GBE1: variants seen among roughly 807,000 people sequenced by gnomAD.
The protein encoded by GBE1 is 1,4-alpha-glucan-branching enzyme.
Under a neutral mutation model 88.8 loss-of-function variants are expected in GBE1, and 70 were observed. That is an observed-to-expected ratio of 0.79 (90% CI 0.65 to 0.96). The LOEUF (loss-of-function observed/expected upper bound fraction) is 0.96. Ranked by LOEUF, GBE1 falls within the 40% of genes least tolerant of loss-of-function variation. GBE1 has a pLI of 0.00. For missense variants in GBE1, 872 were observed against 871.0 expected (o/e 1.00, Z -0.01); for synonymous variants, 284 against 300.1 (o/e 0.95, Z 0.56).
chr3:81,593,892 A>G lies in GBE1; in HGVS notation c.1108+16T>C, dbSNP rs1483550271. ...TCTGCAATTAACCCCAAACCTGATT[A>G]TATCAGGTTACCTACCCACTCCATG... On this transcript the variant is annotated intron_variant, in intron 8 of 15. Coordinates refer to ENST00000429644, the MANE Select transcript of GBE1 (RefSeq NM_000158.4). 4 of 1,308,624 alleles carry G rather than the reference A, an allele frequency of 3.1e-6. No individual in the cohort carries two copies. Among genetic ancestry groups the G allele is most frequent in the South Asian group, 2.6e-5 (2 of 76,376 alleles). 81.1% of individuals were successfully genotyped at this position (1,308,624 alleles called of 1,614,324 possible).
chr3:81,527,752 C>T (rs1702961661), intron 14 of GBE1, among the ~76,000 whole-genome samples: 1 of 152,004 alleles, frequency 6.6e-6, no homozygotes, highest in Non-Finnish European at 1.5e-5. Flanking sequence ...AATAGGAACA[C>T]TTTTACACTG....
Position 81,642,835 on chromosome 3 carries a change from G to C in GBE1, c.938C>G (p.Ser313Cys). The C allele has an allele frequency of 6.2e-7, 1 of 1,613,356 alleles. No individual in the cohort carries two copies. Among genetic ancestry groups the C allele is most frequent in the Non-Finnish European group, 8.5e-7 (1 of 1,179,436 alleles). The change falls in exon 7 of 16, where the codon TCT becomes TGT. Residue 313 changes from serine (S) to cysteine (C), a missense_variant. Physicochemically the swap from Ser to Cys is moderately radical, Grantham distance 112. Transcript: ENST00000429644. ...FDGTDSCYFH[S>C]GPRGTHDLWD... ...AAGATCATGAGTCCCTCTAGGTCCA[G>C]AATGAAAATAACAGGAATCTGTCCC... is the stretch of plus-strand genomic sequence containing the variant.
intron 3 of GBE1, among the ~76,000 whole-genome samples, chr3:81,662,662 TAAAAAA>T (rs1287876832): frequency 7.7e-6 from 1 of 129,988 alleles, no homozygotes; most frequent in Non-Finnish European, 1.7e-5. Context: ...AACAGTTTTG[TAAAAAA>T]AAAAAAAAAG....
chr3:81,740,988 A>G (rs1281283173), intron 1 of GBE1, among the ~76,000 whole-genome samples: 1 of 152,176 alleles, frequency 6.6e-6, no homozygotes, highest in Non-Finnish European at 1.5e-5. Context: ...GAAAAAATAG[A>G]GCACAGAGCC....
At chr3:81,684,772 C>G (rs1705408225) in intron 2 of GBE1, among the ~76,000 whole-genome samples, 1 of 151,928 alleles carries the variant, frequency 6.6e-6, no homozygotes, top group Non-Finnish European at 1.5e-5. Flanking sequence ...CATAGAAAAG[C>G]TCACTAGTAC....
intron 1 of GBE1, among the ~76,000 whole-genome samples, chr3:81,737,290 A>T (rs914065631): frequency 1.1e-4 from 15 of 139,770 alleles, no homozygotes; most frequent in African/African-American, 4.0e-4. Context: ...CTTCAAAATA[A>T]ATATTTATAT....
intron 12 of GBE1, among the ~76,000 whole-genome samples, chr3:81,564,452 G>A (rs952515663): frequency 5.3e-5 from 8 of 152,092 alleles, no homozygotes; most frequent in Non-Finnish European, 7.4e-5. Flanking sequence ...TATTTCCGGG[G>A]CATCCTATCC....
At chr3:81,565,586 A>T (rs1173465877) in intron 12 of GBE1, among the ~76,000 whole-genome samples, 1 of 152,196 alleles carries the variant, frequency 6.6e-6, no homozygotes, top group African/African-American at 2.4e-5. Context: ...TCATTAAAGA[A>T]TGTCCTACAA....
intron 3 of GBE1, among the ~76,000 whole-genome samples, chr3:81,657,899 T>A (rs1365398432): frequency 6.6e-6 from 1 of 152,054 alleles, no homozygotes; most frequent in Non-Finnish European, 1.5e-5. Flanking sequence ...GAGAGGTGGA[T>A]AGAGAGAGAT....
intron 12 of GBE1, among the ~76,000 whole-genome samples, chr3:81,569,822 T>A (rs1482531052): frequency 6.6e-6 from 1 of 152,202 alleles, no homozygotes; most frequent in African/African-American, 2.4e-5. Context: ...TATTTTATTT[T>A]ATTTTTTTAA....
chr3:81,695,845 T>C (rs542092856), intron 2 of GBE1, among the ~76,000 whole-genome samples: 1 of 152,342 alleles, frequency 6.6e-6, no homozygotes, highest in East Asian at 1.9e-4. Flanking sequence ...TTCAGCTTCC[T>C]GATCGCTAAA....
rs538558487 is a variant in GBE1 at position 81,624,305 on chromosome 3, C to T, written c.992+18476G>A. 1.3e-4 allele frequency among the ~76,000 whole-genome samples: 20 copies of T among 152,272 alleles called. 1 individual carries two copies. In the South Asian group the frequency reaches 2.5e-3, roughly 19 times the overall value. The stretch of plus-strand genomic sequence containing the variant: ...CCTCCACCTGATCTCTCCTTTGACA[C>T]GTGGAGATTATGGGGATTATGGAGA... On this transcript the variant is annotated intron_variant, in intron 7 of 15. Transcript: ENST00000429644.
At chr3:81,555,682 G>A (rs183467862) in intron 12 of GBE1, among the ~76,000 whole-genome samples, 1 of 152,114 alleles carries the variant, frequency 6.6e-6, no homozygotes, top group Non-Finnish European at 1.5e-5. Context: ...CAGGTTTCCT[G>A]CTTCGAAGCC....
At chr3:81,659,750 C>T (rs967781334) in intron 3 of GBE1, among the ~76,000 whole-genome samples, 1 of 151,876 alleles carries the variant, frequency 6.6e-6, no homozygotes, top group African/African-American at 2.4e-5. Flanking sequence ...AGAGAAATTC[C>T]GAAGACTACA....
chr3:81,711,820 T>A (rs886239772), intron 1 of GBE1, among the ~76,000 whole-genome samples: 1 of 152,070 alleles, frequency 6.6e-6, no homozygotes, highest in Admixed American at 6.5e-5. Context: ...CTAATTAAAC[T>A]AAAGAGCTTC....
At chr3:81,546,701 G>C (rs571220476) in intron 12 of GBE1, among the ~76,000 whole-genome samples, 6 of 151,568 alleles carry the variant, frequency 4.0e-5, no homozygotes, top group Non-Finnish European at 1.5e-5. Flanking sequence ...CTAAAAGTGG[G>C]AGGCATGAAT....
Position 81,705,515 on chromosome 3 carries a change from C to A in GBE1, c.242G>T (p.Cys81Phe), listed in dbSNP as rs1357189578. ...TTTGCAGTATAAACCACCATCAGCACATCTGTGGACGCCAAATGATTCATA... is the reference window on the plus strand; with the variant it reads ...TTTGCAGTATAAACCACCATCAGCAAATCTGTGGACGCCAAATGATTCATA... ...RGYESFGVHR[C>F]ADGGLYCKEW... Residue 81 changes from cysteine to phenylalanine, a missense_variant, in exon 2 of 16, where the codon TGT becomes TTT. Cys to Phe is a radical substitution (Grantham distance 205). Transcript: ENST00000429644. 4 of 1,603,376 alleles carry A rather than the reference C, an allele frequency of 2.5e-6. No homozygotes were observed. Among genetic ancestry groups the A allele is most frequent in the Non-Finnish European group, 3.4e-6 (4 of 1,174,644 alleles).
chr3:81,700,197 C>A (rs1559692135), intron 2 of GBE1, among the ~76,000 whole-genome samples: 1 of 152,002 alleles, frequency 6.6e-6, no homozygotes, highest in African/African-American at 2.4e-5. Context: ...AAATGTCATG[C>A]CACAGTGAAA....
chr3:81,688,835 T>A (rs894125985), intron 2 of GBE1, among the ~76,000 whole-genome samples: 1 of 151,394 alleles, frequency 6.6e-6, no homozygotes, highest in African/African-American at 2.4e-5. Context: ...CCAAAAATAT[T>A]ATATATACTA....
Sources: allele counts gnomAD v4.1 joint callset (sites outside exome capture counted in the v4.1 genomes callset), GRCh38; gene constraint gnomAD v4.1.1; transcripts MANE v1.5; gene names NCBI Gene and HGNC (gene_info 2026-07-23, HGNC 2026-07-21).